INF2: variants seen among roughly 807,000 people sequenced by gnomAD.
INF2 encodes the protein inverted formin 2, also known as inverted formin-2.
INF2 carries 43 observed loss-of-function variants against 123.5 expected under a neutral mutation model. The ratio of observed to expected loss-of-function variants is 0.35; its 90% CI spans 0.27 to 0.45. The LOEUF is 0.45. Ranked by LOEUF, INF2 falls within the 20% of genes least tolerant of loss-of-function variation. INF2 has a pLI of 1.00. For synonymous variants in INF2, 851 were observed against 745.0 expected (o/e 1.14, Z -2.32); for missense variants, 1,453 against 1,682.7 (o/e 0.86, Z 2.39).
At chr14:104,695,511 C>T (rs533549930) in intron 1 of INF2, among the ~76,000 whole-genome samples, 122 of 146,208 alleles carry the variant, frequency 8.3e-4, no homozygotes, top group African/African-American at 2.9e-3. Flanking sequence ...CAGGTGGAAG[C>T]GAGAGCTGGG....
At chr14:104,715,758 C>A in intron 22 of INF2, 1 of 496,112 alleles carries the variant, frequency 2.0e-6, no homozygotes. Flanking sequence ...GGCTTTCCTG[C>A]TCTGTCTGTT....
chr14:104,715,462 C>A, intron 22 of INF2, 122 bp downstream of exon 22: 1 of 940,618 alleles, frequency 1.1e-6, no homozygotes, highest in South Asian at 1.3e-5. Context: ...CGTGGTGCGT[C>A]AGTGTGGCCT....
At chr14:104,697,909 C>T (rs1345627668) in intron 1 of INF2, among the ~76,000 whole-genome samples, 1 of 152,248 alleles carries the variant, frequency 6.6e-6, no homozygotes, top group Non-Finnish European at 1.5e-5. Context: ...ATGGGACGCC[C>T]CTTCTTGGTG....
chr14:104,711,196 G>C lies in INF2; in HGVS notation c.2418+10G>C. On this transcript the variant is annotated intron_variant, in intron 15 of 22. Coordinates refer to ENST00000392634, the MANE Select transcript of INF2 (RefSeq NM_022489.4). ...GCACCACGTGCTGGAGGTGGGCCGT[G>C]GTGGCGGGGGCATAATGGGAGGGCT... The C allele has an allele frequency of 6.5e-7, 1 of 1,549,966 alleles. No individual in the cohort carries two copies. Among genetic ancestry groups the C allele is most frequent in the Non-Finnish European group, 8.7e-7 (1 of 1,146,556 alleles).
rs1889934372 is a variant in INF2 at position 104,709,398 on chromosome 14, C to T, written c.2052+15C>T. ...AGAAGCACGAGGTAAGAGGACCACC[C>T]CCACACCCCACCCCCAGTTAGTGCC... On this transcript the variant is annotated intron_variant, in intron 11 of 22. Coordinates refer to ENST00000392634, the MANE Select transcript of INF2 (RefSeq NM_022489.4). The T allele has an allele frequency of 1.3e-6, 2 of 1,584,318 alleles. No homozygotes were observed. Among genetic ancestry groups the T allele is most frequent in the Non-Finnish European group, 8.7e-7 (1 of 1,153,998 alleles).
At chr14:104,709,074 A>AG (rs1013113582) in intron 10 of INF2, among the ~76,000 whole-genome samples, 1 of 152,136 alleles carries the variant, frequency 6.6e-6, no homozygotes, top group African/African-American at 2.4e-5. Context: ...TCTCCTGAGC[A>AG]GGGCCCATGG....
intron 22 of INF2, chr14:104,716,039 G>A (rs1372638479): frequency 9.1e-6 from 4 of 441,086 alleles, no homozygotes; most frequent in Non-Finnish European, 1.8e-5. Flanking sequence ...GGGCTGGAGA[G>A]GCCAATGCAT....
Position 104,711,138 on chromosome 14 carries a change from G to A in INF2, c.2370G>A (p.Glu790=). ...TCAGCACATTGCTGAAGCTCACGGA[G>A]ACCAAGTCCCAGCAGAACCGCGTGA... ...FKISTLLKLT[E]TKSQQNRVTL... is the part of the protein sequence containing the mutation. Residue 790 remains glutamate (E), a synonymous_variant, in exon 15 of 23, where the codon GAG becomes GAA. Coordinates refer to ENST00000392634, the MANE Select transcript of INF2 (RefSeq NM_022489.4). 6.3e-7 allele frequency: 1 copy of A among 1,577,926 alleles called. No homozygotes were observed. The highest frequency in any genetic ancestry group is 8.6e-7 in the Non-Finnish European group (1 of 1,163,190).
At chr14:104,718,621 A>G (rs1345199244) in intron 22 of INF2, among the ~76,000 whole-genome samples, 174 bp from the exon 23 acceptor site, 1 of 152,162 alleles carries the variant, frequency 6.6e-6, no homozygotes, top group Non-Finnish European at 1.5e-5. Context: ...CACCTAGATA[A>G]GTTGTGCTGC....
intron 8 of INF2, 67 bp downstream of exon 8, chr14:104,708,069 G>C: frequency 6.3e-7 from 1 of 1,594,622 alleles, no homozygotes; most frequent in Non-Finnish European, 8.5e-7. Flanking sequence ...CTGGGGAGAG[G>C]GGCAGGTGGC....
Position 104,707,675 on chromosome 14 carries a change from GC to G in INF2, c.1415del (p.Pro472GlnfsTer86), listed in dbSNP as rs2140669082. On this transcript the variant is annotated frameshift_variant, in exon 8 of 23. Transcript: ENST00000392634. LOFTEE classifies it high-confidence loss of function. ...ACCCCTGCCAGGCCTGGGGGCCATG[GC>G]CCCCCCAGCACCTCCTCTACCACCA... ...PPPLPGLGAM[A>X]PPAPPLPPPL... The G allele has an allele frequency of 3.4e-5, 32 of 953,104 alleles. No individual in the cohort carries two copies. The highest frequency in any genetic ancestry group is 3.9e-5 in the Non-Finnish European group (25 of 634,752). The allele number at this position is 953,104 out of a possible 1,614,324, so 59.0% of individuals were successfully genotyped here.
In INF2 at chr14:104,710,158, A is replaced by G. The variant is rs1424669469; in HGVS notation, c.2209A>G (p.Lys737Glu). 1 of 1,551,914 alleles carries G rather than the reference A, an allele frequency of 6.4e-7. No individual in the cohort carries two copies. The highest frequency in any genetic ancestry group is 2.4e-5 in the East Asian group (1 of 41,126). Residue 737 changes from lysine (K) to glutamate (E), a missense_variant, in exon 13 of 23, where the codon AAG (lysine) becomes GAG (glutamate). Around this residue, in one of 8 missense-constraint regions of INF2, gnomAD observed 192 missense variants for 274.4 expected, o/e 0.70. Transcript: ENST00000392634. ...AAAVLDMVRPKAQLVLAACES... is the reference protein window; with the variant it reads ...AAAVLDMVRPEAQLVLAACES... Reference sequence around the variant, plus strand: ...CGCCGTGCTGGACATGGTGCGGCCCAAGGCCCAGCTGGTGCTGGCTGCCTG... The same window carrying G: ...CGCCGTGCTGGACATGGTGCGGCCCGAGGCCCAGCTGGTGCTGGCTGCCTG...
rs1890452531 is a variant in INF2, at chr14:104,719,101, C to G, written c.*308C>G. On this transcript the variant is annotated 3_prime_UTR_variant, in exon 23 of 23. Coordinates refer to ENST00000392634, the MANE Select transcript of INF2 (RefSeq NM_022489.4). Reference sequence around the variant, plus strand: ...GCGCCCGGTGCAGCCTGCCAAGGGCCAGTCGGGGGGTGCTGCGTCCTGCCA... The same window carrying G: ...GCGCCCGGTGCAGCCTGCCAAGGGCGAGTCGGGGGGTGCTGCGTCCTGCCA... 1.6e-5 allele frequency: 8 copies of G among 508,704 alleles called. No individual in the cohort carries two copies. Among genetic ancestry groups the G allele is most frequent in the Non-Finnish European group, 2.0e-5 (6 of 293,306 alleles). The allele number at this position is 508,704 out of a possible 1,614,324, so 31.5% of individuals were successfully genotyped here.
chr14:104,701,416 G>A lies in INF2; in HGVS notation c.51G>A (p.Lys17=), dbSNP rs1263961754. 3 of 1,595,688 alleles carry A rather than the reference G, an allele frequency of 1.9e-6. No individual in the cohort carries two copies. The South Asian group carries it at 3.4e-5, about 18-fold the overall frequency. The change falls in exon 2 of 23, where the codon AAG becomes AAA. Residue 17 remains lysine (K), a synonymous_variant. Transcript: ENST00000392634. ...GCAAGTGGGCAGCGCTGAAGGAGAA[G>A]CTGGGGCCACAGGATTCGGACCCCA... The part of the protein sequence containing the change: ...AQRKWAALKE[K]LGPQDSDPTE...
chr14:104,689,157 G>A (rs932128833), upstream of INF2: 18 of 967,460 alleles, frequency 1.9e-5, no homozygotes, highest in South Asian at 6.7e-4. Flanking sequence ...CAAAGCCTGG[G>A]AAGAGCCATC....
chr14:104,710,576 G>C (rs757136483), intron 13 of INF2: 2 of 495,032 alleles, frequency 4.0e-6, no homozygotes, highest in Non-Finnish European at 7.4e-6. Context: ...ACAGACACAC[G>C]TACACACCCC....
chr14:104,701,783 C>T, intron 2 of INF2, 27 bp downstream of exon 2: 2 of 1,460,252 alleles, frequency 1.4e-6, no homozygotes, highest in Non-Finnish European at 1.8e-6. Flanking sequence ...GAGGGCCGCC[C>T]AGGCGGACGC....
intron 22 of INF2, among the ~76,000 whole-genome samples, chr14:104,718,189 A>G (rs1301518189): frequency 3.3e-5 from 5 of 152,232 alleles, no homozygotes; most frequent in Admixed American, 6.5e-5. Context: ...GGGCCATCCC[A>G]CTGGGGAGCT....
rs764140730 is a variant in INF2 at position 104,706,007 on chromosome 14, C to T, written c.702-28C>T. The T allele has an allele frequency of 7.5e-6, 12 of 1,602,198 alleles. No homozygotes were observed. In the African/African-American group the frequency reaches 1.3e-4, roughly 18 times the overall value. ...GCGTGTTGGTGGTGGCAGCAGCAGG[C>T]TTAGCCCACCTGGCCCCTCCTGCAC... On this transcript the variant is annotated intron_variant, in intron 5 of 22. Transcript: ENST00000392634.
Sources: gnomAD v4.1 joint callset for allele counts (sites outside exome capture counted in the v4.1 genomes callset) on GRCh38, gnomAD v4.1.1 for gene constraint, gnomAD v4.1.1 regional missense constraint, MANE v1.5 for transcripts, NCBI Gene and HGNC (gene_info 2026-07-23, HGNC 2026-07-21) for gene names.